The following ATP2C2 variants were observed in gnomAD, a reference collection of about 807,000 sequenced individuals.
ATP2C2 encodes the protein ATPase secretory pathway Ca2+ transporting 2.
In ATP2C2, 171 loss-of-function variants were observed where a neutral mutation model predicts 110.8. The observed-to-expected ratio is 1.54, with a 90% CI of 1.36 to 1.75. ATP2C2 has a LOEUF of 1.75. ATP2C2 is among the 40% of genes most tolerant of loss of function. The pLI, the probability that ATP2C2 is intolerant of heterozygous loss-of-function variation, is 0.00. For missense variants in ATP2C2, 1,963 were observed against 1,235.0 expected, an observed-to-expected ratio of 1.59 and a Z score of -8.84; for synonymous variants, 804 against 508.4, an observed-to-expected ratio of 1.58 and a Z score of -7.82.
chr16:84,382,791 G>T (rs531062114), intron 1 of ATP2C2, among the ~76,000 whole-genome samples: 177 of 151,984 alleles, frequency 1.2e-3, no homozygotes, highest in Admixed American at 3.1e-3. Context: ...AGCTACTTGG[G>T]AGGCTCAGGC....
intron 17 of ATP2C2, among the ~76,000 whole-genome samples, chr16:84,449,946 G>C (rs983297879): frequency 6.6e-6 from 1 of 152,242 alleles, no homozygotes; most frequent in East Asian, 1.9e-4. Flanking sequence ...TTAAGTGCCT[G>C]TGTGAGGCCA....
At chr16:84,374,435 G>T (rs1910137653) in intron 1 of ATP2C2, among the ~76,000 whole-genome samples, 2 of 152,232 alleles carry the variant, frequency 1.3e-5, no homozygotes, top group South Asian at 4.1e-4. Context: ...CGAAAGGTCT[G>T]TGTTGATCAG....
intron 11 of ATP2C2, among the ~76,000 whole-genome samples, chr16:84,435,766 G>A (rs1908680497): frequency 6.6e-6 from 1 of 152,120 alleles, no homozygotes; most frequent in Admixed American, 6.6e-5. Context: ...GGTCAAGGCT[G>A]CGGTGAGCCT....
rs760170030 is a variant in ATP2C2, at chr16:84,415,476, A to G, written c.516-7A>G. The G allele has an allele frequency of 1.1e-5, 17 of 1,613,648 alleles. No homozygotes were observed. The highest frequency in any genetic ancestry group is 4.0e-5 in the African/African-American group (3 of 75,036). The stretch of plus-strand genomic sequence containing the variant: ...GATGCTTTTGCTTTTTACCATGTCA[A>G]ATGCAGCCTAAGAGAAGGAAAACTC... On this transcript the variant is annotated splice_region_variant and splice_polypyrimidine_tract_variant and intron_variant, in intron 6 of 26. Transcript: ENST00000262429.
intron 10 of ATP2C2, 88 bp from the exon 11 acceptor site, chr16:84,425,647 A>G (rs1907742881): frequency 1.4e-6 from 2 of 1,450,244 alleles, no homozygotes; most frequent in Non-Finnish European, 1.9e-6. Flanking sequence ...CATTCCTGTA[A>G]ACTCTTTAAG....
At chr16:84,411,417 C>T (rs748034881) in intron 6 of ATP2C2, among the ~76,000 whole-genome samples, 6 of 152,212 alleles carry the variant, frequency 3.9e-5, no homozygotes, top group Non-Finnish European at 8.8e-5. Flanking sequence ...ATCATCTGCC[C>T]TGTCCAATAT....
intron 2 of ATP2C2, 81 bp downstream of exon 2, chr16:84,398,690 G>C: frequency 9.0e-7 from 1 of 1,105,486 alleles, no homozygotes; most frequent in Non-Finnish European, 1.3e-6. Flanking sequence ...CCTGAACAGT[G>C]CTTTGAAATT....
chr16:84,416,756 C>T (rs547594444), intron 7 of ATP2C2, among the ~76,000 whole-genome samples: 1 of 152,268 alleles, frequency 6.6e-6, no homozygotes, highest in East Asian at 1.9e-4. Context: ...TCCTCTGTGG[C>T]CCCCGCCTCT....
At chr16:84,381,177 CA>C (rs1453048378) in intron 1 of ATP2C2, among the ~76,000 whole-genome samples, 14 of 152,254 alleles carry the variant, frequency 9.2e-5, no homozygotes, top group African/African-American at 3.4e-4. Flanking sequence ...GTTTTGCGTG[CA>C]GGGGTGGATC....
chr16:84,375,601 G>C (rs916577772), intron 1 of ATP2C2, among the ~76,000 whole-genome samples: 1 of 151,712 alleles, frequency 6.6e-6, no homozygotes, highest in Non-Finnish European at 1.5e-5. Context: ...AGAAGGACTA[G>C]ACAGCTGTCT....
chr16:84,459,472 A>C, intron 23 of ATP2C2, 86 bp downstream of exon 23: 5 of 1,599,860 alleles, frequency 3.1e-6, no homozygotes, highest in Non-Finnish European at 4.3e-6. Context: ...CCCCAAGGCT[A>C]TAGGGATGAA....
intron 11 of ATP2C2, among the ~76,000 whole-genome samples, chr16:84,438,023 C>G (rs1198517299): frequency 1.3e-5 from 2 of 152,210 alleles, no homozygotes; most frequent in Non-Finnish European, 2.9e-5. Context: ...GCATGTTTTC[C>G]AGGCTCATCC....
At chr16:84,411,865 G>A (rs542081396) in intron 6 of ATP2C2, among the ~76,000 whole-genome samples, 1 of 152,326 alleles carries the variant, frequency 6.6e-6, no homozygotes, top group Admixed American at 6.5e-5. Context: ...AGGAACAGCT[G>A]CCATTGGTGG....
At chr16:84,401,929 CAT>C (rs1025238423) in intron 2 of ATP2C2, among the ~76,000 whole-genome samples, 1 of 151,662 alleles carries the variant, frequency 6.6e-6, no homozygotes, top group African/African-American at 2.4e-5. Context: ...GTAGTATGGA[CAT>C]TTTAACAATA....
At chr16:84,459,066 G>T in intron 21 of ATP2C2, 54 bp from the exon 22 acceptor site, 1 of 1,593,806 alleles carries the variant, frequency 6.3e-7, no homozygotes, top group Non-Finnish European at 8.6e-7. Context: ...CGATGCACTG[G>T]TCCAGCCCTC....
intron 3 of ATP2C2, among the ~76,000 whole-genome samples, chr16:84,406,997 T>C (rs557807896): frequency 3.3e-5 from 5 of 152,346 alleles, no homozygotes; most frequent in African/African-American, 1.2e-4. Flanking sequence ...GACCTGCTCA[T>C]TCATCTTATA....
At chr16:84,418,016 A>T (rs867759915) in intron 7 of ATP2C2, among the ~76,000 whole-genome samples, 1 of 152,176 alleles carries the variant, frequency 6.6e-6, no homozygotes, top group Non-Finnish European at 1.5e-5. Flanking sequence ...GTCCCAGAAC[A>T]TTATTTTCCC....
chr16:84,442,703 G>C, intron 15 of ATP2C2, 104 bp downstream of exon 15: 1 of 1,130,382 alleles, frequency 8.8e-7, no homozygotes, highest in East Asian at 2.4e-5. Flanking sequence ...GGGGACGTTA[G>C]GTAATCATGG....
chr16:84,429,989 G>GACA (rs1160772222), intron 11 of ATP2C2, among the ~76,000 whole-genome samples: 3 of 152,144 alleles, frequency 2.0e-5, no homozygotes, highest in African/African-American at 7.2e-5. Flanking sequence ...GTCTCTGTCT[G>GACA]TCACATGGTC....
Sources: gnomAD v4.1 joint callset for allele counts (sites outside exome capture counted in the v4.1 genomes callset) on GRCh38, gnomAD v4.1.1 for gene constraint, MANE v1.5 for transcripts, NCBI Gene and HGNC (gene_info 2026-07-23, HGNC 2026-07-21) for gene names.